Variants in TSC1 observed in about 807,000 individuals in gnomAD.
TSC1 encodes TSC complex subunit 1.
TSC1 carries 20 observed loss-of-function variants against 124.3 expected under a neutral mutation model. The observed-to-expected ratio is 0.16, with a 90% CI of 0.11 to 0.23. The LOEUF is 0.23. Ranked by LOEUF, TSC1 falls within the 10% of genes least tolerant of loss-of-function variation. The pLI is 1.00. For missense variants in TSC1, 1,124 were observed against 1,448.5 expected (o/e 0.78, Z 3.64); for synonymous variants, 493 against 539.1 (o/e 0.91, Z 1.19).
rs2132161155 is a variant in TSC1 at position 132,921,955 on chromosome 9, T to TA, written c.526dup (p.Tyr176LeufsTer42). ...CACACTGGCATGGAGATGGACGAGA[T>TA]AGACTTCCGCCACGTGGCCTAGAAA... On this transcript the variant is annotated frameshift_variant, in exon 7 of 23. Coordinates refer to ENST00000298552, the MANE Select transcript of TSC1 (RefSeq NM_000368.5). LOFTEE classifies it high-confidence loss of function. This position sits in a 1 kb window ranked among gnomAD's most constrained non-coding sequence, Gnocchi z 4.3. The TA allele has an allele frequency of 6.2e-7, 1 of 1,614,114 alleles. No individual in the cohort carries two copies. The highest frequency in any genetic ancestry group is 8.5e-7 in the Non-Finnish European group (1 of 1,180,014).
chr9:132,929,691 A>G (rs1377032812), intron 2 of TSC1, among the ~76,000 whole-genome samples: 1 of 152,244 alleles, frequency 6.6e-6, no homozygotes, highest in Admixed American at 6.5e-5. Context: ...CTCTGAGGCT[A>G]TATTTGTTAA....
chr9:132,938,956 C>T (rs1345976543), intron 1 of TSC1: 2 of 151,546 alleles, frequency 1.3e-5, no homozygotes, highest in Non-Finnish European at 3.0e-5. Flanking sequence ...ACACATTTGT[C>T]TATGATGTAA....
In TSC1 at chr9:132,894,922, A is replaced by G. The variant is rs932254275; in HGVS notation, c.*1313T>C. 2.2e-5 allele frequency: 5 copies of G among 231,518 alleles called. No individual in the cohort carries two copies. The highest frequency in any genetic ancestry group is 6.6e-5 in the African/African-American group (3 of 45,220). The allele number at this position is 231,518 out of a possible 1,614,324, so 14.3% of individuals were successfully genotyped here. ...TTCTTAGGCTTCTAGCGTTTCTTTCAGGAGCACTTGTTGAGTTTGGATTCT... is the reference window on the plus strand; with the variant it reads ...TTCTTAGGCTTCTAGCGTTTCTTTCGGGAGCACTTGTTGAGTTTGGATTCT... On this transcript the variant is annotated 3_prime_UTR_variant, in exon 23 of 23. Coordinates refer to ENST00000298552, the MANE Select transcript of TSC1 (RefSeq NM_000368.5).
intron 20 of TSC1, chr9:132,898,963 G>C (rs1406604010): frequency 1.3e-5 from 2 of 152,356 alleles, no homozygotes; most frequent in Non-Finnish European, 2.9e-5. Flanking sequence ...GTCTTGCTCT[G>C]TTGACCGGGC....
At chr9:132,940,175 G>C (rs1424627872) in intron 1 of TSC1, among the ~76,000 whole-genome samples, 2 of 151,518 alleles carry the variant, frequency 1.3e-5, no homozygotes, top group African/African-American at 4.9e-5. Context: ...ATTTAACAAA[G>C]TAATTTATAA....
In TSC1 at chr9:132,892,276, A is replaced by G. The variant is rs1445439695; in HGVS notation, c.*3959T>C. The G allele has an allele frequency of 8.6e-6, 2 of 233,292 alleles. No homozygotes were observed. The highest frequency in any genetic ancestry group is 1.7e-5 in the Non-Finnish European group (2 of 118,110). 14.5% of individuals were successfully genotyped at this position (233,292 alleles called of 1,614,324 possible). ...TTCTTTCACCTACAGACAAAAGCTTAATCAAGTGCAATCAATGCCTTGGGA... is the reference window on the plus strand; with the variant it reads ...TTCTTTCACCTACAGACAAAAGCTTGATCAAGTGCAATCAATGCCTTGGGA... On this transcript the variant is annotated 3_prime_UTR_variant, in exon 23 of 23. Transcript: ENST00000298552.
Position 132,903,980 on chromosome 9 carries a change from A to G in TSC1, c.2042-163T>C, listed in dbSNP as rs1845520801. On this transcript the variant is annotated intron_variant, in intron 16 of 22. Coordinates refer to ENST00000298552, the MANE Select transcript of TSC1 (RefSeq NM_000368.5). This position sits in a 1 kb window ranked among gnomAD's most constrained non-coding sequence, Gnocchi z 5.9. ...GACTCCCAGCAACAGCAGGGGGGAA[A>G]GTATGGACTATGTGTCTCCCCCGTG... is the stretch of plus-strand genomic sequence containing the variant. Among the ~76,000 whole-genome samples, 3 of 152,178 alleles carry G rather than the reference A, an allele frequency of 2.0e-5. No homozygotes were observed. The South Asian group carries it at 6.2e-4, about 32-fold the overall frequency.
chr9:132,925,260 G>A (rs1239043135), intron 5 of TSC1, among the ~76,000 whole-genome samples: 1 of 152,082 alleles, frequency 6.6e-6, no homozygotes, highest in Non-Finnish European at 1.5e-5. Flanking sequence ...TTAGAAACAG[G>A]GATTCCCAAA....
intron 2 of TSC1, among the ~76,000 whole-genome samples, chr9:132,933,047 T>C (rs1847281484): frequency 6.6e-6 from 1 of 152,216 alleles, no homozygotes; most frequent in Non-Finnish European, 1.5e-5. Flanking sequence ...CTGGTGGCTG[T>C]CTGGCTTTGG....
chr9:132,943,618 G>C (rs985744504), intron 1 of TSC1: 6 of 152,204 alleles, frequency 3.9e-5, no homozygotes, highest in African/African-American at 1.4e-4. Flanking sequence ...TTCTTCATTT[G>C]AGAAGATTGG....
chr9:132,914,088 T>C (rs1846135486), intron 8 of TSC1, among the ~76,000 whole-genome samples: 1 of 151,560 alleles, frequency 6.6e-6, no homozygotes, highest in Non-Finnish European at 1.5e-5. Flanking sequence ...TTAGTAGAGA[T>C]GGGGTTTCAC....
chr9:132,897,776 T>C (rs1467869650), intron 20 of TSC1, among the ~76,000 whole-genome samples, 166 bp from the exon 21 acceptor site: 1 of 152,204 alleles, frequency 6.6e-6, no homozygotes, highest in Non-Finnish European at 1.5e-5. Context: ...GGTAGTATTA[T>C]CCTAGTAACC....
At chr9:132,943,473 A>C (rs920695232) in intron 1 of TSC1, 1 of 152,208 alleles carries the variant, frequency 6.6e-6, no homozygotes, top group African/African-American at 2.4e-5. Context: ...CTTACAGGCC[A>C]GCTTTGATCA....
rs1845103252 is a variant in TSC1, at chr9:132,896,932, T to C, written c.2976-178A>G. Reference sequence around the variant, plus strand: ...GAGAAACCTAAATCACAACTAGGGATAGTAGGTGGCAATCTTAAGTGTGAA... The same window carrying C: ...GAGAAACCTAAATCACAACTAGGGACAGTAGGTGGCAATCTTAAGTGTGAA... On this transcript the variant is annotated intron_variant, in intron 22 of 22. Transcript: ENST00000298552. The surrounding 1 kb of genome is among the most constrained non-coding windows in gnomAD (Gnocchi z 4.5). Among the ~76,000 whole-genome samples the C allele has an allele frequency of 6.6e-6, 1 of 152,166 alleles. No individual in the cohort carries two copies. Among genetic ancestry groups the C allele is most frequent in the Admixed American group, 6.5e-5 (1 of 15,280 alleles).
At chr9:132,904,508 G>T (rs118203613) in intron 15 of TSC1, 54 bp from the exon 16 acceptor site, 30 of 1,560,156 alleles carry the variant, frequency 1.9e-5, no homozygotes, top group Non-Finnish European at 2.2e-5. Flanking sequence ...AGAAAAAAAC[G>T]TATCTGGACT....
chr9:132,927,154 G>T (rs1846911033), intron 4 of TSC1, 47 bp downstream of exon 4: 1 of 1,575,970 alleles, frequency 6.3e-7, no homozygotes, highest in Admixed American at 1.7e-5. Flanking sequence ...AGAAGCTGTT[G>T]TACTCATGAA....
At position 132,897,473 on chromosome 9, in the gene TSC1, G is replaced by T; in HGVS notation, c.2763C>A (p.His921Gln). The change falls in exon 21 of 23, where the codon CAC becomes CAA. Residue 921 changes from histidine to glutamine, a missense_variant. Transcript: ENST00000298552. The stretch of plus-strand genomic sequence containing the variant: ...GATATTTCTTCTGTTCCAAAAGAAG[G>T]TGGTCTTTCTTGGCCAGGTGAGATT... ...ELESHLAKKD[H>Q]LLLEQKKYLE... 1 of 1,614,122 alleles carries T rather than the reference G, an allele frequency of 6.2e-7. No individual in the cohort carries two copies. The highest frequency in any genetic ancestry group is 8.5e-7 in the Non-Finnish European group (1 of 1,180,030).
intron 12 of TSC1, 80 bp downstream of exon 12, chr9:132,910,491 A>G (rs1428254652): frequency 3.1e-6 from 5 of 1,610,272 alleles, no homozygotes; most frequent in Non-Finnish European, 4.2e-6. Flanking sequence ...TCTATCTGGC[A>G]TAATTAGGCT....
intron 12 of TSC1, chr9:132,910,262 C>T: frequency 1.7e-6 from 1 of 585,298 alleles, no homozygotes; most frequent in East Asian, 2.8e-5. Flanking sequence ...GATCGTGCCA[C>T]TGCACTCCAC....
Sources: gnomAD v4.1 joint callset for allele counts (sites outside exome capture counted in the v4.1 genomes callset) on GRCh38, gnomAD v4.1.1 for gene constraint, Gnocchi (gnomAD v3.1) non-coding constraint, MANE v1.5 for transcripts, NCBI Gene and HGNC (gene_info 2026-07-23, HGNC 2026-07-21) for gene names.